RBFOX1: variants seen among roughly 807,000 people sequenced by gnomAD.
RBFOX1 encodes RNA binding fox-1 homolog 1.
RBFOX1 carries 8 observed loss-of-function variants against 57.7 expected under a neutral mutation model. The observed-to-expected ratio is 0.14, with a 90% CI of 0.08 to 0.25. RBFOX1 has a LOEUF of 0.25. Ranked by LOEUF, RBFOX1 falls within the 10% of genes least tolerant of loss-of-function variation. The probability of loss-of-function intolerance (pLI) is 1.00; values close to 1 mark genes in which losing one functional copy is unlikely to be tolerated. For synonymous variants in RBFOX1, 326 were observed against 222.4 expected (o/e 1.47, Z -4.15); for missense variants, 611 against 548.5 (o/e 1.11, Z -1.14).
intron 3 of RBFOX1, among the ~76,000 whole-genome samples, chr16:6,772,011 C>G (rs1172902822): frequency 6.6e-6 from 1 of 152,148 alleles, no homozygotes; most frequent in Non-Finnish European, 1.5e-5. Flanking sequence ...CTCTTTCTGC[C>G]ATTCCAGTAA....
intron 3 of RBFOX1, among the ~76,000 whole-genome samples, chr16:5,805,211 A>G (rs1479190931): frequency 2.0e-5 from 3 of 152,188 alleles, no homozygotes; most frequent in African/African-American, 7.2e-5. Context: ...CACTGTGTTC[A>G]GCCCTGGAAT....
At chr16:6,124,776 C>A (rs767969514) in intron 1 of RBFOX1, among the ~76,000 whole-genome samples, 1 of 152,146 alleles carries the variant, frequency 6.6e-6, no homozygotes, top group Non-Finnish European at 1.5e-5. Context: ...GATCTGCCCG[C>A]CTTGGCCTTC....
At chr16:5,786,689 CCT>C (rs1267705691) in intron 3 of RBFOX1, among the ~76,000 whole-genome samples, 1 of 152,196 alleles carries the variant, frequency 6.6e-6, no homozygotes, top group Non-Finnish European at 1.5e-5. Flanking sequence ...CCTGACAGTG[CCT>C]CTTTCCTGCT....
chr16:5,640,013 G>C (rs1465790286), intron 3 of RBFOX1, among the ~76,000 whole-genome samples: 2 of 152,120 alleles, frequency 1.3e-5, no homozygotes, highest in South Asian at 2.1e-4. Context: ...GATTTTCCCC[G>C]TGGTGCTGGG....
At chr16:7,531,151 T>C (rs920477501) in intron 5 of RBFOX1, among the ~76,000 whole-genome samples, 7 of 152,172 alleles carry the variant, frequency 4.6e-5, no homozygotes, top group South Asian at 2.1e-4. Flanking sequence ...AAAAAAAATA[T>C]GTAGAGTTGC....
chr16:7,695,127 T>C (rs904487535), intron 14 of RBFOX1, among the ~76,000 whole-genome samples: 1 of 152,210 alleles, frequency 6.6e-6, no homozygotes, highest in Non-Finnish European at 1.5e-5. Context: ...TGAATTGCTA[T>C]TGATCACATT....
intron 12 of RBFOX1, among the ~76,000 whole-genome samples, chr16:7,656,636 C>G (rs1447352262): frequency 6.6e-6 from 1 of 152,190 alleles, no homozygotes; most frequent in Non-Finnish European, 1.5e-5. Flanking sequence ...TAAGATTTGA[C>G]TGACGTCTTT....
intron 1 of RBFOX1, among the ~76,000 whole-genome samples, chr16:6,182,651 T>G (rs2097073121): frequency 6.6e-6 from 1 of 152,178 alleles, no homozygotes; most frequent in Non-Finnish European, 1.5e-5. Context: ...ACATTGTGAT[T>G]TTAAATATGT....
chr16:6,608,280 C>A (rs2097976566), intron 2 of RBFOX1, among the ~76,000 whole-genome samples: 1 of 152,086 alleles, frequency 6.6e-6, no homozygotes, highest in Admixed American at 6.6e-5. Context: ...TGAAATATTT[C>A]AAAGTAAAGC....
intron 2 of RBFOX1, among the ~76,000 whole-genome samples, chr16:5,478,080 CT>C (rs1482940653): frequency 6.6e-6 from 1 of 152,190 alleles, no homozygotes; most frequent in East Asian, 1.9e-4. Flanking sequence ...TGTTCCTCCA[CT>C]TTCCTTGGAG....
chr16:6,767,947 T>TAATAAGAAGAAGAAGAAGAAGAAG (rs1410744665), intron 3 of RBFOX1, among the ~76,000 whole-genome samples: 58 of 101,028 alleles, frequency 5.7e-4, no homozygotes, highest in African/African-American at 2.1e-3. Context: ...ATAATAATAA[T>TAATAAGAAGAAGAAGAAGAAGAAG]AAGAAGAAGA....
intron 2 of RBFOX1, among the ~76,000 whole-genome samples, chr16:6,470,035 A>T (rs1045159771): frequency 2.6e-5 from 4 of 152,228 alleles, no homozygotes; most frequent in African/African-American, 7.2e-5. Context: ...CATAGTTATC[A>T]AACAGTCATT....
chr16:7,707,294 T>C (rs1458858390), intron 14 of RBFOX1, among the ~76,000 whole-genome samples: 1 of 152,106 alleles, frequency 6.6e-6, no homozygotes, highest in Non-Finnish European at 1.5e-5. Context: ...ATCATCACGC[T>C]TTCTTCACCT....
intron 5 of RBFOX1, among the ~76,000 whole-genome samples, chr16:7,563,465 TG>T (rs1298940991): frequency 1.3e-5 from 2 of 152,186 alleles, no homozygotes; most frequent in Non-Finnish European, 2.9e-5. Context: ...TATATATACA[TG>T]TTTTTTTCTT....
At chr16:7,580,565 A>G (rs1162727058) in intron 6 of RBFOX1, among the ~76,000 whole-genome samples, 1 of 152,332 alleles carries the variant, frequency 6.6e-6, no homozygotes, top group Non-Finnish European at 1.5e-5. Flanking sequence ...TATGCCATGA[A>G]GTGTAGCCTT....
chr16:5,770,585 C>T (rs2151674530), intron 3 of RBFOX1, among the ~76,000 whole-genome samples: 1 of 152,214 alleles, frequency 6.6e-6, no homozygotes, highest in East Asian at 1.9e-4. Flanking sequence ...TTCTGTGGAG[C>T]AGCCATTTTC....
At chr16:5,841,638 G>A (rs1296618695) in intron 3 of RBFOX1, among the ~76,000 whole-genome samples, 2 of 152,152 alleles carry the variant, frequency 1.3e-5, no homozygotes, top group African/African-American at 4.8e-5. Context: ...ATCTCTATCT[G>A]TCTAGTCATT....
intron 3 of RBFOX1, among the ~76,000 whole-genome samples, chr16:6,866,965 G>A (rs927167498): frequency 3.4e-5 from 5 of 148,334 alleles, no homozygotes; most frequent in African/African-American, 9.9e-5. Flanking sequence ...AGGTCATACT[G>A]TTTTAAGCAT....
chr16:7,271,313 G>A (rs2095312996), intron 4 of RBFOX1, among the ~76,000 whole-genome samples: 1 of 151,714 alleles, frequency 6.6e-6, no homozygotes, highest in Admixed American at 6.6e-5. Flanking sequence ...GCAAAAAGAC[G>A]GGCCTGGGTT....
Sources: allele counts gnomAD v4.1 joint callset (sites outside exome capture counted in the v4.1 genomes callset), GRCh38; gene constraint gnomAD v4.1.1; transcripts MANE v1.5; gene names NCBI Gene and HGNC (gene_info 2026-07-23, HGNC 2026-07-21).